Variants in PDE1A observed in about 807,000 individuals in gnomAD.
The protein encoded by PDE1A is dual specificity calcium/calmodulin-dependent 3',5'-cyclic nucleotide phosphodiesterase 1A.
PDE1A carries 35 observed loss-of-function variants against 61.7 expected under a neutral mutation model. The observed-to-expected ratio is 0.57, with a 90% CI of 0.43 to 0.75. The LOEUF is 0.75. Among genes scored for constraint, PDE1A ranks in the 30% least tolerant of loss-of-function variants. The probability of loss-of-function intolerance (pLI) is 0.00; values close to 1 mark genes in which losing one functional copy is unlikely to be tolerated. For missense variants in PDE1A, 597 were observed against 630.6 expected (o/e 0.95, Z 0.57); for synonymous variants, 232 against 213.2 (o/e 1.09, Z -0.77).
At chr2:182,394,208 G>T (rs913026366) in intron 1 of PDE1A, among the ~76,000 whole-genome samples, 2 of 152,130 alleles carry the variant, frequency 1.3e-5, no homozygotes, top group Non-Finnish European at 2.9e-5. Flanking sequence ...GAGGTTTAAT[G>T]GACTCACAGT....
At chr2:182,550,008 G>C in the PDE1A span, among the ~76,000 whole-genome samples, 2 of 152,002 alleles carry the variant, frequency 1.3e-5, no homozygotes. Context: ...AAAGTTATTA[G>C]ATTTTTCTAG....
chr2:182,238,958 G>T (rs1413936071), intron 3 of PDE1A, among the ~76,000 whole-genome samples: 2 of 151,952 alleles, frequency 1.3e-5, no homozygotes, highest in Non-Finnish European at 2.9e-5. Flanking sequence ...CATTTCTTTA[G>T]CAAATCAAAC....
At chr2:182,204,000 C>T (rs1686886885) in intron 8 of PDE1A, among the ~76,000 whole-genome samples, 1 of 151,834 alleles carries the variant, frequency 6.6e-6, no homozygotes, top group Non-Finnish European at 1.5e-5. Flanking sequence ...CAAACAGAAA[C>T]TTAGACAATT....
chr2:182,430,107 T>C (rs1703855830), upstream of PDE1A, among the ~76,000 whole-genome samples: 1 of 152,126 alleles, frequency 6.6e-6, no homozygotes, highest in Non-Finnish European at 1.5e-5. Flanking sequence ...ATATATGATA[T>C]TATCTCAATT....
At chr2:182,527,905 C>T (rs567682252), upstream of PDE1A, among the ~76,000 whole-genome samples, 1 of 152,206 alleles carries the variant, frequency 6.6e-6, no homozygotes, top group African/African-American at 2.4e-5. Flanking sequence ...TAAGATGTGA[C>T]TTTCGCCTTC....
At chr2:182,508,489 G>A (rs1415950317) in intron 2 of PDE1A, among the ~76,000 whole-genome samples, 1 of 151,466 alleles carries the variant, frequency 6.6e-6, no homozygotes, top group Admixed American at 6.6e-5. Context: ...CGGAAAAACT[G>A]GCATGTGGAG....
intron 1 of PDE1A, among the ~76,000 whole-genome samples, chr2:182,410,302 G>T (rs1702539580): frequency 6.6e-6 from 1 of 152,116 alleles, no homozygotes. Flanking sequence ...AGGAAGTCAA[G>T]GTTGTAATGA....
At chr2:182,402,192 C>T (rs557012635) in intron 1 of PDE1A, among the ~76,000 whole-genome samples, 3 of 152,092 alleles carry the variant, frequency 2.0e-5, no homozygotes, top group Non-Finnish European at 2.9e-5. Flanking sequence ...TTCATATGGA[C>T]CCAAAAAACA....
At chr2:182,541,756 G>A in the PDE1A span, among the ~76,000 whole-genome samples, 1 of 152,158 alleles carries the variant, frequency 6.6e-6, no homozygotes, top group Non-Finnish European at 1.5e-5. Flanking sequence ...TGATAATAGA[G>A]TATTAATGCT....
At chr2:182,146,926 G>A, downstream of PDE1A, 1 of 443,484 alleles carries the variant, frequency 2.3e-6, no homozygotes, top group Middle Eastern at 5.8e-4. Context: ...TGATGATAGA[G>A]ATTAAAAAAA....
chr2:182,415,373 C>T (rs75384784), intron 1 of PDE1A, among the ~76,000 whole-genome samples: 2 of 152,066 alleles, frequency 1.3e-5, no homozygotes, highest in Admixed American at 1.3e-4. Flanking sequence ...GAATTTTTAG[C>T]ATTTTGGATA....
intron 2 of PDE1A, among the ~76,000 whole-genome samples, chr2:182,449,049 TACACAC>T (rs200893342): frequency 3.6e-4 from 33 of 90,662 alleles, no homozygotes; most frequent in East Asian, 2.9e-3. Context: ...ATCATACACA[TACACAC>T]ACACACACAC....
chr2:182,240,348 A>C, intron 2 of PDE1A, 56 bp from the exon 3 acceptor site: 2 of 1,110,442 alleles, frequency 1.8e-6, no homozygotes, highest in Non-Finnish European at 2.5e-6. Flanking sequence ...AAAAACATAT[A>C]ACAGAAAAAC....
chr2:182,384,552 G>A (rs993423474), intron 1 of PDE1A, among the ~76,000 whole-genome samples: 2 of 151,112 alleles, frequency 1.3e-5, no homozygotes, highest in Admixed American at 6.6e-5. Context: ...ATGCTATAGA[G>A]AGTAAATTAA....
At chr2:182,704,231 A>C in the PDE1A span, among the ~76,000 whole-genome samples, 14 of 151,688 alleles carry the variant, frequency 9.2e-5, no homozygotes, top group South Asian at 8.3e-4. Context: ...AAAAACAAAA[A>C]AAAAAAACTC....
intron 2 of PDE1A, among the ~76,000 whole-genome samples, chr2:182,505,318 T>A (rs1426428636): frequency 6.6e-6 from 1 of 152,208 alleles, no homozygotes; most frequent in Non-Finnish European, 1.5e-5. Flanking sequence ...AGTGTTTAAA[T>A]CTCTTCTGCC....
rs184813845 is a variant in PDE1A at position 182,188,924 on chromosome 2, T to C, written c.1207+55A>G. 1,227 of 1,168,522 alleles carry C rather than the reference T, an allele frequency of 1.1e-3. 9 individuals are homozygous for C. The African/African-American group carries it at 0.016, about 16-fold the overall frequency. 72.4% of individuals were successfully genotyped at this position (1,168,522 alleles called of 1,614,324 possible). On this transcript the variant is annotated intron_variant, in intron 11 of 13. Transcript: ENST00000351439. ...CCTTTGAACAACATCGTTTACCCAT[T>C]TGAAAACTGACAAGCACACACTCAC...
At chr2:182,278,818 T>C (rs556670671) in intron 1 of PDE1A, among the ~76,000 whole-genome samples, 22 of 152,106 alleles carry the variant, frequency 1.4e-4, no homozygotes, top group African/African-American at 5.3e-4. Flanking sequence ...TCTGGTAGAA[T>C]TGACTAACCC....
chr2:182,172,361 A>AT (rs1692303181), intron 13 of PDE1A, among the ~76,000 whole-genome samples: 1 of 152,016 alleles, frequency 6.6e-6, no homozygotes, highest in Non-Finnish European at 1.5e-5. Flanking sequence ...ACTGGTACAC[A>AT]GGGGGTCTCT....
Sources: allele counts gnomAD v4.1 joint callset (sites outside exome capture counted in the v4.1 genomes callset), GRCh38; gene constraint gnomAD v4.1.1; transcripts MANE v1.5; gene names NCBI Gene and HGNC (gene_info 2026-07-23, HGNC 2026-07-21).